RAP1A: variants seen among roughly 807,000 people sequenced by gnomAD.
RAP1A encodes the protein ras-related protein Rap-1A.
A neutral mutation model predicts 26.4 loss-of-function variants in RAP1A; 6 were observed. The ratio of observed to expected loss-of-function variants is 0.23; its 90% CI spans 0.12 to 0.45. RAP1A has a LOEUF of 0.45. Among genes scored for constraint, RAP1A ranks in the 20% least tolerant of loss-of-function variants. RAP1A has a pLI of 0.99. For missense variants in RAP1A, 121 were observed against 217.2 expected (o/e 0.56, Z 2.78); for synonymous variants, 73 against 79.4 (o/e 0.92, Z 0.43).
chr1:111,604,605 C>T (rs1658735746), intron 1 of RAP1A: 1 of 152,186 alleles, frequency 6.6e-6, no homozygotes, highest in African/African-American at 2.4e-5. Context: ...CTTTATAATG[C>T]TACAGCTTCT....
intron 1 of RAP1A, among the ~76,000 whole-genome samples, chr1:111,549,649 C>CAA (rs370585012): frequency 6.4e-5 from 6 of 94,434 alleles, no homozygotes; most frequent in Admixed American, 2.3e-4. Flanking sequence ...GACTCTGTTT[C>CAA]AAAAAAAAAA....
At chr1:111,655,406 T>C (rs181766736) in intron 1 of RAP1A, among the ~76,000 whole-genome samples, 6 of 152,166 alleles carry the variant, frequency 3.9e-5, no homozygotes, top group Admixed American at 3.9e-4. Flanking sequence ...AAACTTTTTT[T>C]AAAGATAAAT....
chr1:111,686,361 G>A (rs909507692), intron 1 of RAP1A, among the ~76,000 whole-genome samples: 1 of 152,074 alleles, frequency 6.6e-6, no homozygotes, highest in African/African-American at 2.4e-5. Flanking sequence ...CACTTTGGGA[G>A]GCCGAGGCGT....
At chr1:111,587,332 T>C (rs535240621) in intron 1 of RAP1A, among the ~76,000 whole-genome samples, 125 of 152,316 alleles carry the variant, frequency 8.2e-4, no homozygotes, top group African/African-American at 2.9e-3. Context: ...ATCATCTTTC[T>C]ACTTTATGAG....
At chr1:111,704,280 T>C in intron 5 of RAP1A, 63 bp from the exon 6 acceptor site, 1 of 1,529,102 alleles carries the variant, frequency 6.5e-7, no homozygotes, top group Non-Finnish European at 8.9e-7. Flanking sequence ...TGCTTATTTA[T>C]TTTTTTAAAA....
At chr1:111,576,996 T>C (rs1457787999) in intron 1 of RAP1A, among the ~76,000 whole-genome samples, 2 of 152,208 alleles carry the variant, frequency 1.3e-5, no homozygotes, top group African/African-American at 4.8e-5. Flanking sequence ...AGACTTTCCT[T>C]GTCCCCTGAG....
intron 1 of RAP1A, among the ~76,000 whole-genome samples, chr1:111,556,234 A>G (rs1232419488): frequency 6.6e-6 from 1 of 152,228 alleles, no homozygotes; most frequent in African/African-American, 2.4e-5. Flanking sequence ...CTTTACACTT[A>G]TAAGTATGGC....
intron 6 of RAP1A, 129 bp downstream of exon 6, chr1:111,704,615 A>G: frequency 1.0e-6 from 1 of 979,760 alleles, no homozygotes; most frequent in Non-Finnish European, 1.4e-6. Context: ...AGGAAACACT[A>G]AGTAATTCCT....
intron 1 of RAP1A, among the ~76,000 whole-genome samples, chr1:111,651,540 G>A (rs888684029): frequency 5.5e-5 from 8 of 144,488 alleles, no homozygotes; most frequent in Non-Finnish European, 7.5e-5. Flanking sequence ...GCAGTGGCAC[G>A]ATCTTGGCTC....
rs186118829 is a variant in RAP1A, at chr1:111,555,919, T to C, written c.-28+13410T>C. 4.6e-5 allele frequency among the ~76,000 whole-genome samples: 7 copies of C among 152,276 alleles called. No individual in the cohort carries two copies. In the East Asian group the frequency reaches 1.3e-3, roughly 29 times the overall value. ...AAAGAAAAAAATCGATAAATTGAAC[T>C]ACATCAAAATTTAAAACATTTGTGC... On this transcript the variant is annotated intron_variant, in intron 1 of 7. Transcript: ENST00000356415.
At chr1:111,678,758 G>T (rs909159894) in intron 1 of RAP1A, among the ~76,000 whole-genome samples, 13 of 146,238 alleles carry the variant, frequency 8.9e-5, no homozygotes, top group African/African-American at 3.5e-4. Context: ...GACTGTTCAG[G>T]TGGGTTTTTT....
At chr1:111,563,410 T>A (rs1284725920) in intron 1 of RAP1A, among the ~76,000 whole-genome samples, 5 of 152,240 alleles carry the variant, frequency 3.3e-5, no homozygotes, top group Non-Finnish European at 7.3e-5. Context: ...CCTTGAAATG[T>A]CAGGATGTGG....
chr1:111,707,696 A>G (rs527907623), intron 6 of RAP1A, among the ~76,000 whole-genome samples: 2 of 152,316 alleles, frequency 1.3e-5, no homozygotes, highest in Admixed American at 6.5e-5. Flanking sequence ...GACTTCTGTG[A>G]TATTTGTTTT....
chr1:111,668,840 G>A (rs1660880779), intron 1 of RAP1A, among the ~76,000 whole-genome samples: 1 of 151,700 alleles, frequency 6.6e-6, no homozygotes, highest in South Asian at 2.1e-4. Flanking sequence ...ACCAATGTGG[G>A]CAACATGGTG....
At chr1:111,655,685 T>TTTA (rs56947639) in intron 1 of RAP1A, among the ~76,000 whole-genome samples, 5 of 139,778 alleles carry the variant, frequency 3.6e-5, no homozygotes, top group African/African-American at 1.3e-4. Context: ...TTTTTTTTTT[T>TTTA]AAGACGGAAT....
At chr1:111,675,316 C>T (rs1046747333) in intron 1 of RAP1A, among the ~76,000 whole-genome samples, 2 of 151,854 alleles carry the variant, frequency 1.3e-5, no homozygotes, top group African/African-American at 2.4e-5. Flanking sequence ...CCCGTCTCTA[C>T]AAAAAATTAG....
chr1:111,558,532 T>C (rs1267340847), intron 1 of RAP1A, among the ~76,000 whole-genome samples: 2 of 152,176 alleles, frequency 1.3e-5, no homozygotes, highest in African/African-American at 2.4e-5. Context: ...CATTTGCTAT[T>C]TATAAGGTGA....
chr1:111,698,447 T>A lies in RAP1A; in HGVS notation c.183+950T>A, dbSNP rs1557896770. ...CCACCCCCAGCTAATAAAAAAATTT[T>A]TTTTGTAGAGGTGGTTTCGCTGTGT... On this transcript the variant is annotated intron_variant, in intron 4 of 7. Transcript: ENST00000369709. Among the ~76,000 whole-genome samples the A allele has an allele frequency of 2.0e-5, 3 of 152,214 alleles. No homozygotes were observed. The South Asian group carries it at 6.2e-4, about 32-fold the overall frequency.
intron 1 of RAP1A, among the ~76,000 whole-genome samples, chr1:111,689,267 C>A (rs1393849398): frequency 6.9e-6 from 1 of 145,960 alleles, no homozygotes; most frequent in Non-Finnish European, 1.5e-5. Flanking sequence ...TTTTTTTTTT[C>A]TTTTTCTTTT....
Sources: gnomAD v4.1 joint callset for allele counts (sites outside exome capture counted in the v4.1 genomes callset) on GRCh38, gnomAD v4.1.1 for gene constraint, MANE v1.5 for transcripts, NCBI Gene and HGNC (gene_info 2026-07-23, HGNC 2026-07-21) for gene names.